The following ADAMTS3 variants were observed in gnomAD, a reference collection of about 807,000 sequenced individuals.
The protein encoded by ADAMTS3 is ADAM metallopeptidase with thrombospondin type 1 motif 3.
ADAMTS3 carries 73 observed loss-of-function variants against 129.0 expected under a neutral mutation model. The ratio of observed to expected loss-of-function variants is 0.57; its 90% CI spans 0.47 to 0.69. The LOEUF (loss-of-function observed/expected upper bound fraction) is 0.69. Among genes scored for constraint, ADAMTS3 ranks in the 30% least tolerant of loss-of-function variants. The pLI, the probability that ADAMTS3 is intolerant of heterozygous loss-of-function variation, is 0.00. For missense variants in ADAMTS3, 1,457 were observed against 1,514.5 expected (o/e 0.96, Z 0.63); for synonymous variants, 477 against 510.8 (o/e 0.93, Z 0.89).
rs1491279074 is a variant in ADAMTS3, at chr4:72,550,045, G to GAA, written c.98-1162_98-1161insTT. On this transcript the variant is annotated intron_variant, in intron 2 of 21. Transcript: ENST00000286657. The stretch of plus-strand genomic sequence containing the variant: ...AAGAAGAAGAAGAAGAAGAAGAAGA[G>GAA]GAAGAGGAAGAGGAAGAGGAAGAGG... 8.2e-4 allele frequency among the ~76,000 whole-genome samples: 4 copies of GAA among 4,860 alleles called. 1 individual carries two copies. The highest frequency in any genetic ancestry group is 1.3e-3 in the African/African-American group (3 of 2,392). The allele number at this position is 4,860 out of a possible 152,430, so 3.2% of individuals were successfully genotyped here.
intron 4 of ADAMTS3, among the ~76,000 whole-genome samples, chr4:72,412,911 T>C (rs996426876): frequency 3.3e-5 from 5 of 152,040 alleles, no homozygotes; most frequent in East Asian, 3.9e-4. Flanking sequence ...AAACTGAGTA[T>C]GTTGATGCTA....
chr4:72,375,964 A>G (rs1721124120), intron 4 of ADAMTS3, among the ~76,000 whole-genome samples: 2 of 152,200 alleles, frequency 1.3e-5, no homozygotes, highest in South Asian at 4.1e-4. Context: ...GCAAGGTGAG[A>G]TAACAATTTA....
chr4:72,359,313 C>G (rs1371646080), intron 4 of ADAMTS3, among the ~76,000 whole-genome samples: 2 of 151,910 alleles, frequency 1.3e-5, no homozygotes, highest in African/African-American at 2.4e-5. Context: ...GAGATACCAC[C>G]CATGAGACCT....
chr4:72,458,097 A>T (rs972065529), intron 3 of ADAMTS3, among the ~76,000 whole-genome samples: 8 of 151,570 alleles, frequency 5.3e-5, no homozygotes, highest in African/African-American at 1.7e-4. Context: ...ATATTTGGAG[A>T]TGGAGGTGAT....
rs1192361135 is a variant in ADAMTS3, at chr4:72,306,203, A to T, written c.2180-136T>A. 5 of 582,084 alleles carry T rather than the reference A, an allele frequency of 8.6e-6. No individual in the cohort carries two copies. The Middle Eastern group carries it at 8.1e-4, about 94-fold the overall frequency. 36.1% of individuals were successfully genotyped at this position (582,084 alleles called of 1,614,324 possible). On this transcript the variant is annotated intron_variant, in intron 15 of 21. Transcript: ENST00000286657. ...ATAAATTTAAAGAAGCAGTTTCGGA[A>T]ATTAACTTCAAAGCATTGGTAGCTT...
chr4:72,510,431 G>C (rs1451319734), intron 3 of ADAMTS3, among the ~76,000 whole-genome samples: 1 of 151,902 alleles, frequency 6.6e-6, no homozygotes, highest in Non-Finnish European at 1.5e-5. Flanking sequence ...AAAGTTGCAG[G>C]ATACAAAAAT....
intron 4 of ADAMTS3, among the ~76,000 whole-genome samples, chr4:72,391,135 A>G (rs1721583002): frequency 6.6e-6 from 1 of 152,224 alleles, no homozygotes; most frequent in Non-Finnish European, 1.5e-5. Flanking sequence ...ATAAAGGACC[A>G]GGTTAGAGGG....
rs112941270 is a variant in ADAMTS3, at chr4:72,442,943, A to G, written c.505-27972T>C. On this transcript the variant is annotated intron_variant, in intron 3 of 21. Transcript: ENST00000286657. ...TCTTTAACCTTGGATTAGTCACTCA[A>G]TGACTCCAAACCTCAGCTTTCCCTT... Among the ~76,000 whole-genome samples the G allele has an allele frequency of 7.5e-3, 1,139 of 151,848 alleles. 25 individuals are homozygous for G. The highest frequency in any genetic ancestry group is 0.026 in the African/African-American group (1,081 of 41,502).
intron 3 of ADAMTS3, among the ~76,000 whole-genome samples, chr4:72,463,310 T>A (rs954987306): frequency 1.3e-5 from 2 of 151,970 alleles, no homozygotes; most frequent in Non-Finnish European, 2.9e-5. Flanking sequence ...TCAGAATATA[T>A]CCTCCACATT....
intron 3 of ADAMTS3, among the ~76,000 whole-genome samples, chr4:72,475,692 G>C (rs530519552): frequency 1.8e-4 from 27 of 151,488 alleles, no homozygotes; most frequent in Middle Eastern, 3.4e-3. Flanking sequence ...CTGAAGAATA[G>C]GAAACTATAT....
chr4:72,328,704 A>C (rs74633194), intron 5 of ADAMTS3, among the ~76,000 whole-genome samples: 1 of 150,112 alleles, frequency 6.7e-6, no homozygotes, highest in Non-Finnish European at 1.5e-5. Context: ...ATAAAAAAAA[A>C]TTAGCAGTAA....
intron 14 of ADAMTS3, among the ~76,000 whole-genome samples, chr4:72,310,106 G>C (rs551575598): frequency 1.3e-5 from 2 of 152,228 alleles, no homozygotes; most frequent in African/African-American, 4.8e-5. Flanking sequence ...TGGAAGGTTA[G>C]TGTTTCATGA....
chr4:72,425,782 C>A (rs1434681140), intron 3 of ADAMTS3, among the ~76,000 whole-genome samples: 1 of 151,556 alleles, frequency 6.6e-6, no homozygotes, highest in Non-Finnish European at 1.5e-5. Context: ...TGAATAGTGC[C>A]ACAATAAACA....
chr4:72,544,563 G>A (rs768124762), intron 3 of ADAMTS3, among the ~76,000 whole-genome samples: 3 of 152,140 alleles, frequency 2.0e-5, no homozygotes, highest in East Asian at 1.9e-4. Context: ...AGTTTTCAAG[G>A]AGGCTGTGAC....
At chr4:72,496,804 T>C (rs1411700022) in intron 3 of ADAMTS3, among the ~76,000 whole-genome samples, 2 of 152,162 alleles carry the variant, frequency 1.3e-5, no homozygotes, top group East Asian at 3.9e-4. Context: ...CTGTCTCCTG[T>C]TTGCTTTCTG....
At chr4:72,472,412 T>C (rs1719096628) in intron 3 of ADAMTS3, among the ~76,000 whole-genome samples, 1 of 152,150 alleles carries the variant, frequency 6.6e-6, no homozygotes, top group South Asian at 2.1e-4. Flanking sequence ...GTTTATACAG[T>C]ATATTAAAGA....
intron 17 of ADAMTS3, among the ~76,000 whole-genome samples, chr4:72,298,713 A>T (rs1190272221): frequency 2.0e-5 from 3 of 151,926 alleles, no homozygotes; most frequent in African/African-American, 7.2e-5. Flanking sequence ...ATAACTTTAT[A>T]AGGTTCACTG....
At chr4:72,400,993 C>T (rs1284576729) in intron 4 of ADAMTS3, among the ~76,000 whole-genome samples, 1 of 149,548 alleles carries the variant, frequency 6.7e-6, no homozygotes, top group Non-Finnish European at 1.5e-5. Context: ...AAATCCTAGA[C>T]CCACACTGTC....
At chr4:72,302,624 C>A (rs1291503195) in intron 17 of ADAMTS3, among the ~76,000 whole-genome samples, 4 of 151,834 alleles carry the variant, frequency 2.6e-5, no homozygotes, top group African/African-American at 4.8e-5. Context: ...CAAATTTGGT[C>A]AAAAACATCA....
Sources: allele counts gnomAD v4.1 joint callset (sites outside exome capture counted in the v4.1 genomes callset), GRCh38; gene constraint gnomAD v4.1.1; transcripts MANE v1.5; gene names NCBI Gene and HGNC (gene_info 2026-07-23, HGNC 2026-07-21).